WASF2: variants seen among roughly 807,000 people sequenced by gnomAD.
WASF2 encodes WASP family member 2, also known as actin-binding protein WASF2.
Under a neutral mutation model 45.0 loss-of-function variants are expected in WASF2, and 14 were observed. The observed-to-expected ratio is 0.31, with a 90% CI of 0.21 to 0.49. The LOEUF (loss-of-function observed/expected upper bound fraction) is 0.49, where lower values mean the gene tolerates loss of function less well. Among genes scored for constraint, WASF2 ranks in the 20% least tolerant of loss-of-function variants. WASF2 has a pLI of 0.99. For missense variants in WASF2, 439 were observed against 636.1 expected (o/e 0.69, Z 3.33); for synonymous variants, 200 against 236.3 (o/e 0.85, Z 1.41).
At chr1:27,487,353 C>A (rs1286858426) in intron 1 of WASF2, among the ~76,000 whole-genome samples, 1 of 140,706 alleles carries the variant, frequency 7.1e-6, no homozygotes, top group Non-Finnish European at 1.5e-5. Flanking sequence ...CCCGCCTCGG[C>A]CTCCCAGAGT....
In WASF2 at chr1:27,456,463, G is replaced by A. The variant is rs778771737; in HGVS notation, c.-43-27530C>T. On this transcript the variant is annotated intron_variant, in intron 1 of 8. Coordinates refer to ENST00000618852, the MANE Select transcript of WASF2 (RefSeq NM_006990.5). ...AAAACAGGACAACTGGGTCCCCTTA[G>A]TAGAGGTCCATATCAGATAGGCCAG... 3.1e-4 allele frequency among the ~76,000 whole-genome samples: 47 copies of A among 152,194 alleles called. 1 individual carries two copies. In the Middle Eastern group the frequency reaches 0.024, roughly 78 times the overall value.
At chr1:27,428,984 A>C in intron 1 of WASF2, 51 bp from the exon 2 acceptor site, 2 of 1,389,052 alleles carry the variant, frequency 1.4e-6, no homozygotes, top group Non-Finnish European at 2.0e-6. Flanking sequence ...TTCCAGGCAC[A>C]CTAGGGCTGT....
chr1:27,438,475 C>CT lies in WASF2; in HGVS notation c.-43-9543dup, dbSNP rs371060192. Reference sequence around the variant, plus strand: ...TTTTAATTGTTATGATGCCTTACTTCTTATTTCAAGCTTCTCTTTGCAGTA... The same window carrying CT: ...TTTTAATTGTTATGATGCCTTACTTCTTTATTTCAAGCTTCTCTTTGCAGTA... On this transcript the variant is annotated intron_variant, in intron 1 of 8. Transcript: ENST00000618852. Among the ~76,000 whole-genome samples, 638 of 152,316 alleles carry CT rather than the reference C, an allele frequency of 4.2e-3. 2 individuals carry two copies. Among genetic ancestry groups the CT allele is most frequent in the Middle Eastern group, 6.8e-3 (2 of 294 alleles).
intron 2 of WASF2, among the ~76,000 whole-genome samples, chr1:27,425,548 C>A (rs1287504909): frequency 6.6e-6 from 1 of 152,064 alleles, no homozygotes; most frequent in Admixed American, 6.6e-5. Context: ...ACTAAAAATA[C>A]AAAAAATTGG....
rs376390961 is a variant in WASF2, at chr1:27,419,015, A to C, written c.204T>G (p.Leu68=). 3.0e-5 allele frequency: 48 copies of C among 1,614,058 alleles called. No homozygotes were observed. Among genetic ancestry groups the C allele is most frequent in the Non-Finnish European group, 4.1e-5 (48 of 1,180,040 alleles). The part of the protein sequence containing the change: ...ANTFASRVSS[L]AERVDRLQVK... The stretch of plus-strand genomic sequence containing the variant: ...CCTGTAGTCGGTCGACCCTCTCAGC[A>C]AGGGAGCTTACCCGAGAGGCAAAGG... Residue 68 remains leucine (L), a synonymous_variant, in exon 3 of 9, where the codon CTT becomes CTG. Transcript: ENST00000618852.
intron 2 of WASF2, 148 bp downstream of exon 2, chr1:27,428,611 CCT>C: frequency 8.6e-7 from 1 of 1,166,780 alleles, no homozygotes; most frequent in Non-Finnish European, 1.2e-6. Flanking sequence ...CAAAAGGGAG[CCT>C]CTCTTTGGGG....
At chr1:27,475,181 G>T (rs192483618) in intron 1 of WASF2, among the ~76,000 whole-genome samples, 2 of 152,200 alleles carry the variant, frequency 1.3e-5, no homozygotes, top group African/African-American at 4.8e-5. Context: ...GGAGGCTGAG[G>T]CAGGAGTTCA....
At chr1:27,434,673 A>C (rs540387155) in intron 1 of WASF2, among the ~76,000 whole-genome samples, 1 of 152,204 alleles carries the variant, frequency 6.6e-6, no homozygotes, top group East Asian at 1.9e-4. Flanking sequence ...AAAAAATTTC[A>C]AAGAAAAACT....
At position 27,487,601 on chromosome 1, in the gene WASF2, T is replaced by C. The variant is rs1381917430; in HGVS notation, c.-44+2385A>G. ...TATATTATATATATTTTATATAATA[T>C]ATAATATATATTATATATATTTTAT... On this transcript the variant is annotated intron_variant, in intron 1 of 8. Coordinates refer to ENST00000618852, the MANE Select transcript of WASF2 (RefSeq NM_006990.5). Among the ~76,000 whole-genome samples the C allele has an allele frequency of 8.9e-5, 9 of 101,620 alleles. No individual in the cohort carries two copies. In the Admixed American group the frequency reaches 1.3e-3, roughly 14 times the overall value. The allele number at this position is 101,620 out of a possible 152,430, so 66.7% of individuals were successfully genotyped here.
At chr1:27,415,093 T>TA in intron 5 of WASF2, 130 bp from the exon 6 acceptor site, 1 of 1,222,014 alleles carries the variant, frequency 8.2e-7, no homozygotes, top group Non-Finnish European at 1.1e-6. Context: ...CTACAGAACT[T>TA]ACAGAATTAC....
chr1:27,480,283 G>T (rs942627319), intron 1 of WASF2, among the ~76,000 whole-genome samples: 3 of 152,120 alleles, frequency 2.0e-5, no homozygotes, highest in African/African-American at 4.8e-5. Context: ...TTGGGAGGCC[G>T]AATTGGGCAG....
At chr1:27,429,491 C>A (rs2017032054) in intron 1 of WASF2, among the ~76,000 whole-genome samples, 1 of 152,176 alleles carries the variant, frequency 6.6e-6, no homozygotes, top group Non-Finnish European at 1.5e-5. Context: ...TAGCTAACCA[C>A]TAGGCCGGGC....
chr1:27,431,522 A>G (rs1010659264), intron 1 of WASF2, among the ~76,000 whole-genome samples: 1 of 152,350 alleles, frequency 6.6e-6, no homozygotes, highest in Admixed American at 6.5e-5. Flanking sequence ...GCCAGGAATG[A>G]CTGGAAACAG....
At chr1:27,409,241 A>G (rs1272589965) in intron 8 of WASF2, among the ~76,000 whole-genome samples, 3 of 151,582 alleles carry the variant, frequency 2.0e-5, no homozygotes, top group East Asian at 1.9e-4. Flanking sequence ...TGGCTAACAA[A>G]GTAAAACTCC....
chr1:27,459,402 T>C (rs1032529072), intron 1 of WASF2: 1 of 152,094 alleles, frequency 6.6e-6, no homozygotes, highest in African/African-American at 2.4e-5. Context: ...GCTCAAGTGA[T>C]CCAGCCTCCT....
At chr1:27,461,401 G>T (rs943546957) in intron 1 of WASF2, among the ~76,000 whole-genome samples, 1 of 150,726 alleles carries the variant, frequency 6.6e-6, no homozygotes, top group Non-Finnish European at 1.5e-5. Flanking sequence ...GTGCAGTGGC[G>T]CTACCATGAC....
At chr1:27,416,444 A>C (rs1039573648) in intron 4 of WASF2, among the ~76,000 whole-genome samples, 6 of 152,166 alleles carry the variant, frequency 3.9e-5, no homozygotes, top group African/African-American at 1.4e-4. Context: ...TTCCTGGTAC[A>C]TCAGAGGGGA....
rs199618327 is a variant in WASF2 at position 27,408,193 on chromosome 1, T to C, written c.1493A>G (p.Asp498Gly). The change falls in exon 9 of 9, where the codon GAT (aspartate) becomes GGT (glycine). Residue 498 changes from aspartate (D) to glycine (G), a missense_variant. By Grantham distance (94) the Asp-to-Gly change is moderately conservative. Transcript: ENST00000618852. Reference protein sequence around the residue: ...SSEFDEDDWSD With the variant: ...SSEFDEDDWSG Reference sequence around the variant, plus strand: ...GTGGGCAGCAGGCAGAAAGAGTTAATCGGACCAGTCGTCCTCATCAAATTC... The same window carrying C: ...GTGGGCAGCAGGCAGAAAGAGTTAACCGGACCAGTCGTCCTCATCAAATTC... 7 of 1,612,248 alleles carry C rather than the reference T, an allele frequency of 4.3e-6. No homozygotes were observed. In the African/African-American group the frequency reaches 5.3e-5, roughly 12 times the overall value.
intron 1 of WASF2, among the ~76,000 whole-genome samples, chr1:27,429,701 G>A (rs957210022): frequency 4.4e-4 from 66 of 151,698 alleles, no homozygotes; most frequent in African/African-American, 1.4e-3. Context: ...GCTTGAACCC[G>A]GAAAGCAGAG....
Sources: gnomAD v4.1 joint callset for allele counts (sites outside exome capture counted in the v4.1 genomes callset) on GRCh38, gnomAD v4.1.1 for gene constraint, MANE v1.5 for transcripts, NCBI Gene and HGNC (gene_info 2026-07-23, HGNC 2026-07-21) for gene names.